Variants in MYO7A observed in about 807,000 individuals in gnomAD.
MYO7A encodes the protein unconventional myosin-VIIa.
Under a neutral mutation model 263.8 loss-of-function variants are expected in MYO7A, and 210 were observed. The ratio of observed to expected loss-of-function variants is 0.80; its 90% CI spans 0.71 to 0.89. The LOEUF (loss-of-function observed/expected upper bound fraction) is 0.89, where lower values mean the gene tolerates loss of function less well. Ranked by LOEUF, MYO7A falls within the 40% of genes least tolerant of loss-of-function variation. The pLI, the probability that MYO7A is intolerant of heterozygous loss-of-function variation, is 0.00. For missense variants in MYO7A, 2,820 were observed against 2,968.3 expected (o/e 0.95, Z 1.16); for synonymous variants, 1,239 against 1,197.3 (o/e 1.03, Z -0.72).
intron 2 of MYO7A, among the ~76,000 whole-genome samples, chr11:77,131,123 G>A (rs1950754547): frequency 6.6e-6 from 1 of 152,190 alleles, no homozygotes; most frequent in African/African-American, 2.4e-5. Flanking sequence ...GGCCCGAGCT[G>A]AGTCCTCCAG....
At chr11:77,152,884 C>T (rs887010822) in intron 4 of MYO7A, among the ~76,000 whole-genome samples, 1 of 152,054 alleles carries the variant, frequency 6.6e-6, no homozygotes, top group Admixed American at 6.6e-5. Context: ...GTAGGGGAAG[C>T]GTGTCCCTGG....
intron 26 of MYO7A, among the ~76,000 whole-genome samples, chr11:77,183,910 G>A (rs1427687319): frequency 2.0e-5 from 3 of 152,104 alleles, no homozygotes; most frequent in South Asian, 2.1e-4. Flanking sequence ...CACCTCTGCC[G>A]CTTAGTATTC....
intron 47 of MYO7A, 119 bp from the exon 48 acceptor site, chr11:77,213,741 G>A (rs1958005084): frequency 1.4e-6 from 2 of 1,438,586 alleles, no homozygotes; most frequent in South Asian, 1.2e-5. Context: ...GGCAGAGCTG[G>A]CTTTTCCCTC....
At chr11:77,206,658 T>A (rs1165316885) in intron 41 of MYO7A, among the ~76,000 whole-genome samples, 1 of 152,182 alleles carries the variant, frequency 6.6e-6, no homozygotes, top group Non-Finnish European at 1.5e-5. Flanking sequence ...AGGTCCTGTC[T>A]GCCAAAGGTC....
At chr11:77,156,626 T>C in intron 5 of MYO7A, 34 bp from the exon 6 acceptor site, 4 of 1,610,302 alleles carry the variant, frequency 2.5e-6, no homozygotes, top group Non-Finnish European at 3.4e-6. Context: ...TCCCTGTGGG[T>C]TGTGACAGGT....
chr11:77,183,936 G>T (rs1209266350), intron 26 of MYO7A, among the ~76,000 whole-genome samples: 5 of 152,174 alleles, frequency 3.3e-5, no homozygotes, highest in Admixed American at 1.3e-4. Flanking sequence ...ACCCAGGGAA[G>T]AAAATGCCCA....
rs767272092 is a variant in MYO7A, at chr11:77,208,371, G to A, written c.5857-59G>A. Reference sequence around the variant, plus strand: ...CAGCTGCCAGACAGGCCTTAGGTGGGAAGGTCAGAAAATGCAGTGTTGCTT... The same window carrying A: ...CAGCTGCCAGACAGGCCTTAGGTGGAAAGGTCAGAAAATGCAGTGTTGCTT... On this transcript the variant is annotated intron_variant, in intron 42 of 48. Transcript: ENST00000409709. 2.6e-4 allele frequency: 349 copies of A among 1,333,388 alleles called. 1 individual carries two copies. Among genetic ancestry groups the A allele is most frequent in the Non-Finnish European group, 8.4e-5 (79 of 940,136 alleles). 82.6% of individuals were successfully genotyped at this position (1,333,388 alleles called of 1,614,324 possible).
At chr11:77,160,014 G>A (rs1246394351) in intron 10 of MYO7A, 149 bp from the exon 11 acceptor site, 10 of 1,247,316 alleles carry the variant, frequency 8.0e-6, no homozygotes, top group African/African-American at 1.5e-5. Context: ...TCCATGGCTA[G>A]GGAGGATTTG....
chr11:77,183,628 G>A (rs1284244797), intron 26 of MYO7A, among the ~76,000 whole-genome samples: 1 of 152,162 alleles, frequency 6.6e-6, no homozygotes, highest in Non-Finnish European at 1.5e-5. Flanking sequence ...GTCCAGGCTG[G>A]TGTGTGTGTG....
chr11:77,192,993 TAGTGATGC>T lies in MYO7A; in HGVS notation c.4152+716_4152+723del, dbSNP rs1255861692. ...GTGGAGGTAGTTGTGATGGTGGAGG[TAGTGATGC>T]TGTTGGTGATGGTGGAGGTAGCGAT... On this transcript the variant is annotated intron_variant, in intron 31 of 48. Transcript: ENST00000409709. 2.9e-4 allele frequency among the ~76,000 whole-genome samples: 39 copies of T among 134,934 alleles called. 12 individuals are homozygous for T. The highest frequency in any genetic ancestry group is 7.1e-4 in the South Asian group (3 of 4,196). The allele number at this position is 134,934 out of a possible 152,430, so 88.5% of individuals were successfully genotyped here. A position where few individuals can be genotyped will look rare whatever the true frequency, so the allele number is the denominator to read the frequency against.
At chr11:77,177,190 C>T (rs1236764832) in intron 18 of MYO7A, among the ~76,000 whole-genome samples, 3 of 152,166 alleles carry the variant, frequency 2.0e-5, no homozygotes, top group African/African-American at 7.2e-5. Context: ...ATGGCAACAG[C>T]CCAGCCCAGG....
At chr11:77,210,849 C>G (rs1004815782) in intron 44 of MYO7A, 2 of 292,532 alleles carry the variant, frequency 6.8e-6, no homozygotes, top group African/African-American at 4.3e-5. Flanking sequence ...GCTGGTCACT[C>G]TGAGTTTCTT....
chr11:77,180,052 G>C, intron 21 of MYO7A, 99 bp downstream of exon 21: 1 of 1,260,098 alleles, frequency 7.9e-7, no homozygotes, highest in Non-Finnish European at 1.1e-6. Context: ...GACCTATAGG[G>C]GGGACCTGCA....
rs766059513 is a variant in MYO7A, at chr11:77,203,159, G to A, written c.5268G>A (p.Leu1756=). ...SHTREPLKQA[L]LKKLLGSEEL... Reference sequence around the variant, plus strand: ...CGCGGGAACCGCTCAAGCAGGCGCTGCTCAAGAAGCTCCTGGGCAGTGAGG... The same window carrying A: ...CGCGGGAACCGCTCAAGCAGGCGCTACTCAAGAAGCTCCTGGGCAGTGAGG... Residue 1756 remains leucine, a synonymous_variant, in exon 38 of 49, where the codon CTG becomes CTA. Transcript: ENST00000409709. The A allele has an allele frequency of 1.5e-5, 23 of 1,551,298 alleles. No homozygotes were observed. Among genetic ancestry groups the A allele is most frequent in the Non-Finnish European group, 1.9e-5 (22 of 1,148,254 alleles).
chr11:77,161,244 G>T, intron 12 of MYO7A, 129 bp downstream of exon 12: 1 of 1,166,014 alleles, frequency 8.6e-7, no homozygotes. Flanking sequence ...CCGTCATCAC[G>T]GTGGACCCTC....
At chr11:77,174,709 C>T in intron 16 of MYO7A, 47 bp from the exon 17 acceptor site, 2 of 1,535,382 alleles carry the variant, frequency 1.3e-6, no homozygotes, top group Non-Finnish European at 8.8e-7. Context: ...AGGGCTGCCT[C>T]CCAGCAGGAG....
In MYO7A at chr11:77,174,593, T is replaced by A. The variant is rs3819169; in HGVS notation, c.1936-163T>A. 4.6e-5 allele frequency among the ~76,000 whole-genome samples: 7 copies of A among 152,334 alleles called. No individual in the cohort carries two copies. The East Asian group carries it at 1.4e-3, about 29-fold the overall frequency. On this transcript the variant is annotated intron_variant, in intron 16 of 48. Transcript: ENST00000409709. ...CGACAGGCCTCACTTTATGCTCTTT[T>A]GTGGATTTGAGCTGCAGATCCCGGT...
chr11:77,166,190 G>A lies in MYO7A; in HGVS notation c.1797+28G>A, dbSNP rs368732527. 10 of 1,599,168 alleles carry A rather than the reference G, an allele frequency of 6.3e-6. No individual in the cohort carries two copies. In the South Asian group the frequency reaches 7.7e-5, roughly 12 times the overall value. ...AAGCCGGGTGCGGTTTCTGTTGTTC[G>A]GGAAGGGCCCCCACGGGCCAGGCCT... is the stretch of plus-strand genomic sequence containing the variant. On this transcript the variant is annotated intron_variant, in intron 15 of 48. Transcript: ENST00000409709.
chr11:77,171,030 T>A (rs1954036754), intron 15 of MYO7A, among the ~76,000 whole-genome samples: 1 of 152,218 alleles, frequency 6.6e-6, no homozygotes, highest in Admixed American at 6.5e-5. Flanking sequence ...TGACTGTTAC[T>A]TGTGTCATGT....
Sources: gnomAD v4.1 joint callset for allele counts (sites outside exome capture counted in the v4.1 genomes callset) on GRCh38, gnomAD v4.1.1 for gene constraint, MANE v1.5 for transcripts, NCBI Gene and HGNC (gene_info 2026-07-23, HGNC 2026-07-21) for gene names.